MAPK4: variants seen among roughly 807,000 people sequenced by gnomAD.
The protein encoded by MAPK4 is Erk3-related.
Under a neutral mutation model 47.7 loss-of-function variants are expected in MAPK4, and 22 were observed. The ratio of observed to expected loss-of-function variants is 0.46; its 90% CI spans 0.33 to 0.66. The LOEUF (loss-of-function observed/expected upper bound fraction) is 0.66. MAPK4 is among the 30% of genes least tolerant of loss of function. The pLI, the probability that MAPK4 is intolerant of heterozygous loss-of-function variation, is 0.02. For missense variants in MAPK4, 736 were observed against 831.7 expected, an observed-to-expected ratio of 0.88 and a Z score of 1.42; for synonymous variants, 390 against 365.7, an observed-to-expected ratio of 1.07 and a Z score of -0.76.
chr18:50,598,408 A>G (rs1473477209), intron 1 of MAPK4, among the ~76,000 whole-genome samples: 1 of 152,184 alleles, frequency 6.6e-6, no homozygotes, highest in Non-Finnish European at 1.5e-5. Context: ...TCACACATTA[A>G]ATAATTAATT....
At chr18:50,583,416 C>G (rs2042363364) in intron 1 of MAPK4, among the ~76,000 whole-genome samples, 1 of 152,038 alleles carries the variant, frequency 6.6e-6, no homozygotes, top group Non-Finnish European at 1.5e-5. Flanking sequence ...AATGAAACCC[C>G]ATCTCTACTA....
intron 1 of MAPK4, among the ~76,000 whole-genome samples, chr18:50,575,548 G>T (rs942065000): frequency 6.6e-6 from 1 of 152,098 alleles, no homozygotes; most frequent in African/African-American, 2.4e-5. Context: ...AAATTCCAAA[G>T]AGGGAGACAC....
intron 3 of MAPK4, among the ~76,000 whole-genome samples, chr18:50,719,913 G>T (rs1910846695): frequency 6.6e-6 from 1 of 152,200 alleles, no homozygotes; most frequent in Non-Finnish European, 1.5e-5. Context: ...CAGCCAAACA[G>T]CTCTCCTCAC....
At chr18:50,675,753 G>C (rs1231778041) in intron 2 of MAPK4, among the ~76,000 whole-genome samples, 1 of 152,052 alleles carries the variant, frequency 6.6e-6, no homozygotes, top group African/African-American at 2.4e-5. Flanking sequence ...GCCTCCCAAA[G>C]TGCTGGGATT....
At chr18:50,627,669 C>T (rs762570272) in intron 1 of MAPK4, among the ~76,000 whole-genome samples, 8 of 152,204 alleles carry the variant, frequency 5.3e-5, no homozygotes, top group South Asian at 2.1e-4. Flanking sequence ...GCCTATGTTA[C>T]GATCCCATTT....
chr18:50,607,669 A>G (rs6508012), intron 1 of MAPK4, among the ~76,000 whole-genome samples: 151,865 of 152,344 alleles, frequency 1, 75,696 homozygotes, highest in East Asian at 1. Context: ...CTTAGGAACC[A>G]CTCTCAGTCA....
chr18:50,588,103 G>A (rs970804091), intron 1 of MAPK4, among the ~76,000 whole-genome samples: 3 of 82,390 alleles, frequency 3.6e-5, no homozygotes, highest in African/African-American at 1.5e-4. Flanking sequence ...CATTGCTAAT[G>A]TAACAAACCA....
chr18:50,683,669 CGT>C (rs1568079471), intron 2 of MAPK4, among the ~76,000 whole-genome samples: 2 of 152,100 alleles, frequency 1.3e-5, no homozygotes, highest in South Asian at 4.1e-4. Context: ...TTCCTGCCTT[CGT>C]GGAGTTTATA....
chr18:50,695,186 A>C (rs1444993516), intron 2 of MAPK4, among the ~76,000 whole-genome samples: 1 of 151,958 alleles, frequency 6.6e-6, no homozygotes, highest in Non-Finnish European at 1.5e-5. Flanking sequence ...TGTCTACTAA[A>C]AATACAAAAT....
chr18:50,589,379 G>A (rs988610880), intron 1 of MAPK4, among the ~76,000 whole-genome samples: 2 of 152,232 alleles, frequency 1.3e-5, no homozygotes, highest in Admixed American at 6.5e-5. Flanking sequence ...GGCGGATCAC[G>A]AGGTCAGGAG....
intron 1 of MAPK4, among the ~76,000 whole-genome samples, chr18:50,648,099 C>CAGAGAGAGAGAGAGAG (rs146378809): frequency 1.7e-4 from 25 of 147,090 alleles, no homozygotes; most frequent in African/African-American, 6.3e-4. Context: ...AAGAAAGACC[C>CAGAGAGAGAGAGAGAG]AGAGAGAGAG....
intron 1 of MAPK4, among the ~76,000 whole-genome samples, chr18:50,592,126 TTTGAAAGCTTGTAGACC>T (rs1158466262): frequency 6.6e-6 from 1 of 152,182 alleles, no homozygotes; most frequent in Non-Finnish European, 1.5e-5. Flanking sequence ...ATGAAAGTGT[TTTGAAAGCTTGTAGACC>T]TTGCCTGTCA....
rs1910572127 is a variant in MAPK4 at position 50,715,132 on chromosome 18, C to G, written c.600C>G (p.Leu200=). ...VTKWYRSPRL[L]LSPNNYTKAI... ...AGTGGTACCGTTCCCCACGACTGCT[C>G]CTTTCCCCCAATAACTACACCAAAG... The change falls in exon 3 of 6, where the codon CTC becomes CTG. Residue 200 remains leucine, a synonymous_variant. Coordinates refer to ENST00000400384, the MANE Select transcript of MAPK4 (RefSeq NM_002747.4). The G allele has an allele frequency of 6.2e-7, 1 of 1,614,064 alleles. No homozygotes were observed.
intron 1 of MAPK4, among the ~76,000 whole-genome samples, chr18:50,595,798 A>G (rs1241451764): frequency 6.6e-6 from 1 of 152,228 alleles, no homozygotes; most frequent in East Asian, 1.9e-4. Context: ...GCTTCTATTA[A>G]TGTAGACTGA....
chr18:50,607,190 G>C (rs892215315), intron 1 of MAPK4, among the ~76,000 whole-genome samples: 5 of 152,152 alleles, frequency 3.3e-5, no homozygotes, highest in South Asian at 2.1e-4. Context: ...TGGGGCCAGG[G>C]GGGAGGGGAC....
At position 50,678,704 on chromosome 18, in the gene MAPK4, C is replaced by T. The variant is rs1419326108; in HGVS notation, c.546+14200C>T. Among the ~76,000 whole-genome samples, 1 of 152,164 alleles carries T rather than the reference C, an allele frequency of 6.6e-6. No individual in the cohort carries two copies. The highest frequency in any genetic ancestry group is 1.9e-4 in the East Asian group (1 of 5,200). On this transcript the variant is annotated intron_variant, in intron 2 of 5. Transcript: ENST00000400384. This position sits in a 1 kb window ranked among gnomAD's most constrained non-coding sequence, Gnocchi z 4.2. Reference sequence around the variant, plus strand: ...CAGGCCTTGGTCCCACAGCTGCCCCCACACTCTTATTCTTGCTTTCTTCTC... The same window carrying T: ...CAGGCCTTGGTCCCACAGCTGCCCCTACACTCTTATTCTTGCTTTCTTCTC...
chr18:50,605,126 G>A (rs1382127596), intron 1 of MAPK4, among the ~76,000 whole-genome samples: 4 of 152,200 alleles, frequency 2.6e-5, no homozygotes, highest in Admixed American at 2.6e-4. Context: ...CAAGGCAGAT[G>A]CTTTATATAA....
intron 1 of MAPK4, among the ~76,000 whole-genome samples, chr18:50,575,324 ATTTCTGT>A (rs1054822482): frequency 6.6e-6 from 1 of 152,144 alleles, no homozygotes; most frequent in African/African-American, 2.4e-5. Context: ...TGAGAAATAA[ATTTCTGT>A]TCTTTATAAA....
intron 1 of MAPK4, among the ~76,000 whole-genome samples, chr18:50,638,171 G>A (rs1194928654): frequency 6.6e-6 from 1 of 152,084 alleles, no homozygotes; most frequent in South Asian, 2.1e-4. Flanking sequence ...ATGCGAGTGA[G>A]CATTGGGTGG....
Sources: gnomAD v4.1 joint callset for allele counts (sites outside exome capture counted in the v4.1 genomes callset) on GRCh38, gnomAD v4.1.1 for gene constraint, Gnocchi (gnomAD v3.1) non-coding constraint, MANE v1.5 for transcripts, NCBI Gene and HGNC (gene_info 2026-07-23, HGNC 2026-07-21) for gene names.